Variants in ERP44 observed in about 807,000 individuals in gnomAD.
The protein encoded by ERP44 is endoplasmic reticulum protein 44, also known as endoplasmic reticulum resident protein 44.
A neutral mutation model predicts 53.4 loss-of-function variants in ERP44; 25 were observed. The observed-to-expected ratio is 0.47, with a 90% confidence interval of 0.34 to 0.65. The LOEUF (loss-of-function observed/expected upper bound fraction) is 0.65. Among genes scored for constraint, ERP44 ranks in the 30% least tolerant of loss-of-function variants. The pLI is 0.01. For missense variants in ERP44, 338 were observed against 493.2 expected, an observed-to-expected ratio of 0.69 and a Z score of 2.98; for synonymous variants, 145 against 161.2, an observed-to-expected ratio of 0.90 and a Z score of 0.76.
intron 5 of ERP44, among the ~76,000 whole-genome samples, chr9:100,021,586 T>TTA (rs938522375): frequency 1.6e-4 from 25 of 152,330 alleles, no homozygotes; most frequent in Admixed American, 4.6e-4. Flanking sequence ...TTGTTGTTTG[T>TTA]TATCTTTAAA....
At chr9:100,076,515 C>T (rs1241894831) in intron 1 of ERP44, among the ~76,000 whole-genome samples, 1 of 152,176 alleles carries the variant, frequency 6.6e-6, no homozygotes, top group East Asian at 1.9e-4. Context: ...CTAGGATATC[C>T]GTAAAGGACA....
intron 1 of ERP44, among the ~76,000 whole-genome samples, chr9:100,081,116 A>T (rs544550169): frequency 6.6e-6 from 1 of 152,244 alleles, no homozygotes; most frequent in East Asian, 1.9e-4. Flanking sequence ...GGTTTAACTG[A>T]TCTATTAAAA....
chr9:100,068,850 G>T (rs566554263), intron 1 of ERP44, among the ~76,000 whole-genome samples: 13 of 152,218 alleles, frequency 8.5e-5, no homozygotes, highest in Non-Finnish European at 1.8e-4. Context: ...GAATGGAAAG[G>T]GGGGAAAGGT....
intron 10 of ERP44, among the ~76,000 whole-genome samples, chr9:99,999,759 CTAA>C (rs1830358497): frequency 6.6e-6 from 1 of 152,130 alleles, no homozygotes; most frequent in Admixed American, 6.5e-5. Flanking sequence ...GTGGCCCACA[CTAA>C]TGTCATGAAG....
At chr9:100,032,243 A>G (rs1825800042) in intron 4 of ERP44, among the ~76,000 whole-genome samples, 1 of 152,222 alleles carries the variant, frequency 6.6e-6, no homozygotes, top group Admixed American at 6.5e-5. Context: ...CTGTTCCTCC[A>G]GGGCTCCACC....
At chr9:100,051,105 T>C (rs921365421) in intron 4 of ERP44, among the ~76,000 whole-genome samples, 69 of 152,314 alleles carry the variant, frequency 4.5e-4, no homozygotes, top group African/African-American at 1.6e-3. Context: ...AACCTTTTAT[T>C]GCTCCCTTCA....
At chr9:100,015,625 A>G (rs192713731) in intron 8 of ERP44, among the ~76,000 whole-genome samples, 1 of 152,242 alleles carries the variant, frequency 6.6e-6, no homozygotes, top group Non-Finnish European at 1.5e-5. Flanking sequence ...CTAGTGGCAA[A>G]GGATTATTCA....
intron 1 of ERP44, among the ~76,000 whole-genome samples, chr9:100,096,448 T>C (rs1203052897): frequency 6.6e-6 from 1 of 151,964 alleles, no homozygotes; most frequent in Non-Finnish European, 1.5e-5. Context: ...GAAAAAAAGT[T>C]ATCACATTGA....
At chr9:100,044,877 A>AT (rs1482924393) in intron 4 of ERP44, among the ~76,000 whole-genome samples, 8 of 152,286 alleles carry the variant, frequency 5.3e-5, no homozygotes, top group Admixed American at 2.0e-4. Flanking sequence ...ATTATAGACT[A>AT]TTTAAACAGA....
At chr9:100,068,601 C>T (rs1366708722) in intron 1 of ERP44, among the ~76,000 whole-genome samples, 2 of 144,470 alleles carry the variant, frequency 1.4e-5, no homozygotes, top group South Asian at 2.2e-4. Flanking sequence ...CCGGCTGCCC[C>T]GTCCGGGAGG....
intron 4 of ERP44, among the ~76,000 whole-genome samples, chr9:100,035,158 G>T (rs1485573800): frequency 6.6e-6 from 1 of 151,994 alleles, no homozygotes; most frequent in Non-Finnish European, 1.5e-5. Context: ...CTCATCATTG[G>T]CCTTGGCAAA....
intron 11 of ERP44, among the ~76,000 whole-genome samples, chr9:99,983,109 T>A (rs1397561808): frequency 1.3e-5 from 2 of 152,202 alleles, no homozygotes; most frequent in Non-Finnish European, 2.9e-5. Context: ...TCTGTAGATA[T>A]TATCTTAGTT....
At chr9:99,984,425 TAAAAG>T (rs1327573877) in intron 11 of ERP44, among the ~76,000 whole-genome samples, 1 of 152,006 alleles carries the variant, frequency 6.6e-6, no homozygotes, top group Admixed American at 6.6e-5. Context: ...AAAAAAAACA[TAAAAG>T]AACATAAAAT....
intron 10 of ERP44, among the ~76,000 whole-genome samples, chr9:100,002,266 C>A (rs1210273411): frequency 6.6e-6 from 1 of 151,976 alleles, no homozygotes; most frequent in Middle Eastern, 3.4e-3. Context: ...GTCTTTTATC[C>A]TTCATACCAA....
chr9:100,048,920 T>C (rs1255334500), intron 4 of ERP44, among the ~76,000 whole-genome samples: 1 of 152,100 alleles, frequency 6.6e-6, no homozygotes, highest in Non-Finnish European at 1.5e-5. Context: ...TTTTGCAAGA[T>C]GAAGAACTGG....
At chr9:100,050,765 T>C (rs1162158005) in intron 4 of ERP44, among the ~76,000 whole-genome samples, 4 of 152,198 alleles carry the variant, frequency 2.6e-5, no homozygotes, top group South Asian at 2.1e-4. Flanking sequence ...TTTGCCCCCA[T>C]AAAAAGAAAG....
Position 99,981,252 on chromosome 9 carries a change from T to C in ERP44, c.*1360A>G, listed in dbSNP as rs1830145626. ...ATTTTGAATAAAACTATGGAAACTTTGGATAAATCATGCATAACGAGGAAT... is the reference window on the plus strand; with the variant it reads ...ATTTTGAATAAAACTATGGAAACTTCGGATAAATCATGCATAACGAGGAAT... On this transcript the variant is annotated 3_prime_UTR_variant, in exon 12 of 12. Coordinates refer to ENST00000262455, the MANE Select transcript of ERP44 (RefSeq NM_015051.3). The C allele has an allele frequency of 6.6e-6, 1 of 152,310 alleles. No individual in the cohort carries two copies. Among genetic ancestry groups the C allele is most frequent in the African/African-American group, 2.4e-5 (1 of 41,462 alleles). The allele number at this position is 152,310 out of a possible 1,614,324, so 9.4% of individuals were successfully genotyped here.
At chr9:100,037,405 G>A (rs184638585) in intron 4 of ERP44, among the ~76,000 whole-genome samples, 29 of 152,262 alleles carry the variant, frequency 1.9e-4, no homozygotes, top group African/African-American at 6.5e-4. Context: ...GAAAGGCAGT[G>A]TAGGCCACAA....
intron 4 of ERP44, among the ~76,000 whole-genome samples, chr9:100,042,020 G>A (rs141687858): frequency 4.6e-5 from 7 of 152,266 alleles, no homozygotes; most frequent in East Asian, 3.9e-4. Flanking sequence ...AGCAATCTCC[G>A]ATAGGCACAG....
Sources: gnomAD v4.1 joint callset for allele counts (sites outside exome capture counted in the v4.1 genomes callset) on GRCh38, gnomAD v4.1.1 for gene constraint, MANE v1.5 for transcripts, NCBI Gene and HGNC (gene_info 2026-07-23, HGNC 2026-07-21) for gene names.